Variants in RELCH observed in about 807,000 individuals in gnomAD.
The protein encoded by RELCH is RAB11-binding protein RELCH.
Under a neutral mutation model 150.3 loss-of-function variants are expected in RELCH, and 41 were observed. The ratio of observed to expected loss-of-function variants is 0.27; its 90% CI spans 0.21 to 0.35. The LOEUF is 0.35. Ranked by LOEUF, RELCH falls within the 10% of genes least tolerant of loss-of-function variation. The pLI, the probability that RELCH is intolerant of heterozygous loss-of-function variation, is 1.00. For missense variants in RELCH, 1,092 were observed against 1,467.8 expected, an observed-to-expected ratio of 0.74 and a Z score of 4.18; for synonymous variants, 478 against 531.8, an observed-to-expected ratio of 0.90 and a Z score of 1.39.
intron 8 of RELCH, among the ~76,000 whole-genome samples, chr18:62,229,196 G>T (rs1465684652): frequency 6.6e-6 from 1 of 152,022 alleles, no homozygotes; most frequent in Non-Finnish European, 1.5e-5. Flanking sequence ...ATACTTTTAA[G>T]AAAGGAATAT....
At chr18:62,240,691 T>C (rs1484533214) in intron 10 of RELCH, among the ~76,000 whole-genome samples, 2 of 149,852 alleles carry the variant, frequency 1.3e-5, no homozygotes, top group East Asian at 4.0e-4. Context: ...GTAGGATTAT[T>C]ATACTGATTT....
chr18:62,207,631 C>T (rs1366330623), intron 1 of RELCH, among the ~76,000 whole-genome samples: 1 of 152,220 alleles, frequency 6.6e-6, no homozygotes, highest in Non-Finnish European at 1.5e-5. Flanking sequence ...AATTTCTTCA[C>T]ATTGTCACCA....
In RELCH at chr18:62,229,852, G is replaced by A. The variant is rs112873567; in HGVS notation, c.1448+1254G>A. Reference sequence around the variant, plus strand: ...GTTTAGTGAGGCTTAAGCAAATAATGCTAGTGAAAGGAAGGATAGAAGACA... The same window carrying A: ...GTTTAGTGAGGCTTAAGCAAATAATACTAGTGAAAGGAAGGATAGAAGACA... On this transcript the variant is annotated intron_variant, in intron 8 of 28. Coordinates refer to ENST00000644646, the MANE Select transcript of RELCH (RefSeq NM_001346231.2). Among the ~76,000 whole-genome samples, 1,024 of 152,156 alleles carry A rather than the reference G, an allele frequency of 6.7e-3. 13 individuals are homozygous for A. The highest frequency in any genetic ancestry group is 0.024 in the African/African-American group (977 of 41,526).
rs2145197822 is a variant in RELCH, at chr18:62,307,450, G to T, written c.*1916G>T. On this transcript the variant is annotated 3_prime_UTR_variant, in exon 29 of 29. Transcript: ENST00000644646. ...TTAATTAATGAATATATTTATTTAAGTGCTAATGTTTTTTTAAAGGCAATA... is the reference window on the plus strand; with the variant it reads ...TTAATTAATGAATATATTTATTTAATTGCTAATGTTTTTTTAAAGGCAATA... The T allele has an allele frequency of 6.6e-6, 1 of 152,162 alleles. No homozygotes were observed. The highest frequency in any genetic ancestry group is 1.9e-4 in the East Asian group (1 of 5,194). The allele number at this position is 152,162 out of a possible 1,614,324, so 9.4% of individuals were successfully genotyped here. A position where few individuals can be genotyped will look rare whatever the true frequency, so the allele number is the denominator to read the frequency against.
chr18:62,261,541 C>T lies in RELCH; in HGVS notation c.2233C>T (p.Leu745Phe), dbSNP rs925629627. Residue 745 changes from leucine (L) to phenylalanine (F), a missense_variant, in exon 16 of 29, where the codon CTC becomes TTC. Around this residue, in one of 4 missense-constraint regions of RELCH, gnomAD observed 707 missense variants for 1,025.4 expected, o/e 0.69. Coordinates refer to ENST00000644646, the MANE Select transcript of RELCH (RefSeq NM_001346231.2). ...EGEHGLDEHK[L>F]HMYLSALQSL... ...AGAACATGGACTGGATGAACACAAACTCCACATGTATCTTTCTGCCTTGCA... is the reference window on the plus strand; with the variant it reads ...AGAACATGGACTGGATGAACACAAATTCCACATGTATCTTTCTGCCTTGCA... 12 of 1,611,818 alleles carry T rather than the reference C, an allele frequency of 7.4e-6. No individual in the cohort carries two copies. The highest frequency in any genetic ancestry group is 9.3e-6 in the Non-Finnish European group (11 of 1,178,708).
At position 62,251,072 on chromosome 18, in the gene RELCH, GT is replaced by G. The variant is rs200054569; in HGVS notation, c.1734-1584del. ...TGCAAAGTCTTACTTAGAATTTTAT[GT>G]TTTTTTTAGTTACAAATCTATCAAT... On this transcript the variant is annotated intron_variant, in intron 11 of 28. Coordinates refer to ENST00000644646, the MANE Select transcript of RELCH (RefSeq NM_001346231.2). 9.1e-3 allele frequency among the ~76,000 whole-genome samples: 1,390 copies of G among 152,076 alleles called. 19 individuals carry two copies. The highest frequency in any genetic ancestry group is 0.052 in the East Asian group (268 of 5,182).
chr18:62,287,947 T>C (rs541992964), intron 26 of RELCH, among the ~76,000 whole-genome samples: 263 of 152,238 alleles, frequency 1.7e-3, no homozygotes, highest in Non-Finnish European at 3.0e-3. Context: ...TCTCCAGTGA[T>C]TGTAGAACTG....
At chr18:62,207,052 A>G (rs1298924743) in intron 1 of RELCH, among the ~76,000 whole-genome samples, 1 of 151,966 alleles carries the variant, frequency 6.6e-6, no homozygotes, top group Non-Finnish European at 1.5e-5. Flanking sequence ...TTTTTAGTAT[A>G]TTTACAGAAT....
chr18:62,210,223 G>T (rs1177485394), intron 1 of RELCH, among the ~76,000 whole-genome samples: 4 of 152,010 alleles, frequency 2.6e-5, no homozygotes, highest in Non-Finnish European at 5.9e-5. Context: ...TGATTAATAG[G>T]TGCCTAAGTT....
chr18:62,292,094 C>T (rs564330519), intron 27 of RELCH, among the ~76,000 whole-genome samples: 2 of 152,212 alleles, frequency 1.3e-5, no homozygotes, highest in Middle Eastern at 3.4e-3. Context: ...TTTCCTTTTA[C>T]GATGTTTGAC....
At chr18:62,258,866 G>A (rs555495637) in intron 15 of RELCH, among the ~76,000 whole-genome samples, 190 bp downstream of exon 15, 25 of 152,138 alleles carry the variant, frequency 1.6e-4, no homozygotes, top group African/African-American at 5.8e-4. Context: ...GCTGAAGCTG[G>A]AGGAAGAGAA....
chr18:62,266,238 T>C (rs2043554936), intron 18 of RELCH, among the ~76,000 whole-genome samples: 1 of 151,774 alleles, frequency 6.6e-6, no homozygotes, highest in Admixed American at 6.6e-5. Context: ...AACATAAATA[T>C]CACAGGATGA....
At chr18:62,268,710 TA>T (rs200172217) in intron 19 of RELCH, 158 bp from the exon 20 acceptor site, 10,919 of 393,646 alleles carry the variant, frequency 0.028, 204 homozygotes, top group Middle Eastern at 0.043. Flanking sequence ...CACTAAGTTG[TA>T]TTTTACAACC....
chr18:62,262,708 G>A (rs185440875), intron 16 of RELCH, among the ~76,000 whole-genome samples: 2 of 152,026 alleles, frequency 1.3e-5, no homozygotes, highest in Admixed American at 1.3e-4. Context: ...TACTCATTTA[G>A]GCATTTCATC....
intron 26 of RELCH, among the ~76,000 whole-genome samples, 156 bp from the exon 27 acceptor site, chr18:62,291,387 G>C (rs1346261355): frequency 3.3e-5 from 5 of 152,162 alleles, no homozygotes; most frequent in Admixed American, 3.3e-4. Flanking sequence ...CTCTGCAAAT[G>C]AGGATTCATG....
chr18:62,215,291 C>T (rs181840729), intron 2 of RELCH, among the ~76,000 whole-genome samples: 42 of 152,236 alleles, frequency 2.8e-4, no homozygotes, highest in Admixed American at 1.0e-3. Context: ...AAAGAGACAT[C>T]TAAGAACAAA....
At chr18:62,218,419 A>G (rs897614957) in intron 2 of RELCH, among the ~76,000 whole-genome samples, 1 of 151,912 alleles carries the variant, frequency 6.6e-6, no homozygotes, top group Non-Finnish European at 1.5e-5. Context: ...TTTCAAGATA[A>G]TATTAGTGAT....
At chr18:62,277,969 T>G in intron 22 of RELCH, 1 of 376,332 alleles carries the variant, frequency 2.7e-6, no homozygotes, top group Non-Finnish European at 3.7e-6. Flanking sequence ...GCCCTGCAAC[T>G]TAGACTTGGA....
chr18:62,213,748 A>AT (rs1219264155), intron 2 of RELCH, among the ~76,000 whole-genome samples: 2 of 151,570 alleles, frequency 1.3e-5, no homozygotes, highest in Non-Finnish European at 2.9e-5. Flanking sequence ...AAAAAAAAAA[A>AT]AAGATCATTA....
Sources: allele counts gnomAD v4.1 joint callset (sites outside exome capture counted in the v4.1 genomes callset), GRCh38; gene constraint gnomAD v4.1.1; regional missense constraint gnomAD v4.1.1; transcripts MANE v1.5; gene names NCBI Gene and HGNC (gene_info 2026-07-23, HGNC 2026-07-21).